The following PCCA variants were observed in gnomAD, a reference collection of about 807,000 sequenced individuals.
PCCA encodes the protein propionyl-CoA carboxylase alpha chain, mitochondrial.
Under a neutral mutation model 101.3 loss-of-function variants are expected in PCCA, and 74 were observed. The ratio of observed to expected loss-of-function variants is 0.73; its 90% CI spans 0.61 to 0.89. The LOEUF is 0.89. Among genes scored for constraint, PCCA ranks in the 40% least tolerant of loss-of-function variants. The probability of loss-of-function intolerance (pLI) is 0.00; values close to 1 mark genes in which losing one functional copy is unlikely to be tolerated. For missense variants in PCCA, 891 were observed against 907.0 expected (o/e 0.98, Z 0.23); for synonymous variants, 294 against 313.6 (o/e 0.94, Z 0.66).
At chr13:100,155,162 T>TAA (rs3215976) in intron 5 of PCCA, 70 bp downstream of exon 5, 2,285 of 803,206 alleles carry the variant, frequency 2.8e-3, no homozygotes, top group East Asian at 0.011. Context: ...AGTTTGTATT[T>TAA]AAAAAAAAAA....
intron 19 of PCCA, among the ~76,000 whole-genome samples, chr13:100,418,231 T>C (rs36043786): frequency 0.19 from 29,255 of 152,200 alleles, 3,895 homozygotes; most frequent in East Asian, 0.6. Flanking sequence ...CCACCTTCCC[T>C]ATGCCTGCGC....
intron 19 of PCCA, among the ~76,000 whole-genome samples, chr13:100,402,287 A>C (rs899498434): frequency 6.6e-6 from 1 of 151,662 alleles, no homozygotes; most frequent in Non-Finnish European, 1.5e-5. Context: ...CCATGTTGTC[A>C]GTGGTCAACA....
chr13:100,376,693 T>C (rs1006085807), intron 19 of PCCA, among the ~76,000 whole-genome samples: 1 of 152,210 alleles, frequency 6.6e-6, no homozygotes, highest in African/African-American at 2.4e-5. Context: ...TTCAGACTGC[T>C]GTGCTGGCAG....
intron 8 of PCCA, among the ~76,000 whole-genome samples, chr13:100,245,096 A>G (rs1363409387): frequency 6.6e-6 from 1 of 152,162 alleles, no homozygotes; most frequent in Non-Finnish European, 1.5e-5. Flanking sequence ...GCCAACTCGA[A>G]TGATACTCCA....
At chr13:100,438,768 T>G (rs1176998039) in intron 20 of PCCA, among the ~76,000 whole-genome samples, 2 of 151,990 alleles carry the variant, frequency 1.3e-5, no homozygotes, top group African/African-American at 4.8e-5. Flanking sequence ...TGAGTTTCTT[T>G]GCCTTATTCT....
chr13:100,406,931 G>A (rs1389753395), intron 19 of PCCA, among the ~76,000 whole-genome samples: 5 of 152,144 alleles, frequency 3.3e-5, no homozygotes. Context: ...AAAGTTATTA[G>A]AAGCCTGTAT....
At chr13:100,328,705 T>C (rs1361822898) in intron 16 of PCCA, among the ~76,000 whole-genome samples, 2 of 144,134 alleles carry the variant, frequency 1.4e-5, no homozygotes, top group Non-Finnish European at 1.5e-5. Flanking sequence ...TTTTTTTTTT[T>C]TTTTTTGAGA....
intron 4 of PCCA, among the ~76,000 whole-genome samples, chr13:100,144,861 G>C (rs2052340737): frequency 1.3e-5 from 2 of 152,198 alleles, no homozygotes; most frequent in Non-Finnish European, 1.5e-5. Context: ...TTTTGCAAGA[G>C]AGATGGCTGA....
rs369253901 is a variant in PCCA, at chr13:100,501,035, G to A, written c.1900-14392G>A. ...TGGGTGCCTGTAGTCCCAGCTACTC[G>A]GGAGGCTGAGGCAGGACAATTGCTT... is the stretch of plus-strand genomic sequence containing the variant. On this transcript the variant is annotated intron_variant, in intron 21 of 23. Transcript: ENST00000376285. Among the ~76,000 whole-genome samples, 41 of 152,130 alleles carry A rather than the reference G, an allele frequency of 2.7e-4. No homozygotes were observed. The East Asian group carries it at 7.0e-3, about 26-fold the overall frequency.
intron 21 of PCCA, chr13:100,477,398 G>A (rs1391226156): frequency 2.6e-5 from 4 of 152,188 alleles, no homozygotes; most frequent in African/African-American, 7.2e-5. Flanking sequence ...TAAGTTAGAT[G>A]TGGAGTTTCT....
At chr13:100,510,385 G>A (rs754195050) in intron 21 of PCCA, among the ~76,000 whole-genome samples, 1 of 152,166 alleles carries the variant, frequency 6.6e-6, no homozygotes, top group African/African-American at 2.4e-5. Context: ...ACCATAAAGG[G>A]TATGCTAAAT....
At chr13:100,348,521 CT>C (rs1175127605) in intron 18 of PCCA, among the ~76,000 whole-genome samples, 1 of 152,016 alleles carries the variant, frequency 6.6e-6, no homozygotes, top group Non-Finnish European at 1.5e-5. Context: ...TAAACAACCA[CT>C]TTTTTTAAAA....
At chr13:100,387,385 G>A (rs9518063) in intron 19 of PCCA, among the ~76,000 whole-genome samples, 56 of 152,124 alleles carry the variant, frequency 3.7e-4, no homozygotes, top group Non-Finnish European at 7.1e-4. Flanking sequence ...ATAGCAAAAG[G>A]CAGTGTAAAG....
At chr13:100,327,044 A>G (rs764163286) in intron 16 of PCCA, among the ~76,000 whole-genome samples, 1 of 152,142 alleles carries the variant, frequency 6.6e-6, no homozygotes, top group Non-Finnish European at 1.5e-5. Context: ...ACTAGATTAC[A>G]TGCATCTTTA....
intron 6 of PCCA, among the ~76,000 whole-genome samples, chr13:100,201,837 A>T (rs1397976559): frequency 8.3e-6 from 1 of 120,624 alleles, no homozygotes; most frequent in Non-Finnish European, 1.6e-5. Context: ...AGCCTGGGCA[A>T]CAAGACTGAA....
At chr13:100,368,659 C>G in intron 19 of PCCA, 85 bp downstream of exon 19, 1 of 842,672 alleles carries the variant, frequency 1.2e-6, no homozygotes. Context: ...CAGTGACTCT[C>G]GTCTTTTGAA....
At chr13:100,156,224 A>G (rs2053870520) in intron 5 of PCCA, among the ~76,000 whole-genome samples, 1 of 152,144 alleles carries the variant, frequency 6.6e-6, no homozygotes, top group Admixed American at 6.5e-5. Flanking sequence ...GCCTGCCACC[A>G]TGCCCAGCTA....
At chr13:100,340,003 C>G (rs1436152181) in intron 17 of PCCA, among the ~76,000 whole-genome samples, 154 bp from the exon 18 acceptor site, 1 of 152,208 alleles carries the variant, frequency 6.6e-6, no homozygotes, top group Non-Finnish European at 1.5e-5. Context: ...CTTGCTTCCT[C>G]AATGTCCGCA....
chr13:100,496,086 C>T (rs1019665013), intron 21 of PCCA, among the ~76,000 whole-genome samples: 7 of 152,208 alleles, frequency 4.6e-5, no homozygotes, highest in African/African-American at 1.7e-4. Flanking sequence ...CGACACAGGA[C>T]AACATTCCCT....
Sources: gnomAD v4.1 joint callset for allele counts (sites outside exome capture counted in the v4.1 genomes callset) on GRCh38, gnomAD v4.1.1 for gene constraint, MANE v1.5 for transcripts, NCBI Gene and HGNC (gene_info 2026-07-23, HGNC 2026-07-21) for gene names.